ATP9A: variants seen among roughly 807,000 people sequenced by gnomAD.
ATP9A encodes the protein ATPase phospholipid transporting 9A.
A neutral mutation model predicts 144.1 loss-of-function variants in ATP9A; 52 were observed. The observed-to-expected ratio is 0.36, with a 90% CI of 0.29 to 0.45. The LOEUF (loss-of-function observed/expected upper bound fraction) is 0.45, where lower values mean the gene tolerates loss of function less well. ATP9A is among the 20% of genes least tolerant of loss of function. ATP9A has a pLI of 1.00. For synonymous variants in ATP9A, 582 were observed against 557.4 expected (o/e 1.04, Z -0.62); for missense variants, 947 against 1,392.7 (o/e 0.68, Z 5.09).
Position 51,611,703 on chromosome 20 carries a change from T to A in ATP9A, c.2572-1538A>T, listed in dbSNP as rs1201087769. ...GCTCATCCCGGCCAGCTTTTGTGTA[T>A]GAGTCCAAGGACGGGCTGATTAATC... On this transcript the variant is annotated intron_variant, in intron 23 of 27. Transcript: ENST00000338821. The surrounding 1 kb of genome is among the most constrained non-coding windows in gnomAD (Gnocchi z 4.2). Among the ~76,000 whole-genome samples, 1 of 152,226 alleles carries A rather than the reference T, an allele frequency of 6.6e-6. No homozygotes were observed. Among genetic ancestry groups the A allele is most frequent in the Non-Finnish European group, 1.5e-5 (1 of 68,038 alleles).
chr20:51,639,486 T>C lies in ATP9A; in HGVS notation c.1525A>G (p.Thr509Ala). ...ACCAGGGTTAAGCCCACACTTTCCGTCCACTGTACCAGGGCCACCTAAACA... is the reference window on the plus strand; with the variant it reads ...ACCAGGGTTAAGCCCACACTTTCCGCCCACTGTACCAGGGCCACCTAAACA... ...SPDEVALVQW[T>A]ESVGLTLVGR... The change falls in exon 15 of 28, where the codon ACG becomes GCG. Residue 509 changes from threonine to alanine, a missense_variant. By Grantham distance (58) the Thr-to-Ala change is moderately conservative (BLOSUM62 0). Around this residue, in one of 2 missense-constraint regions of ATP9A, gnomAD observed 770 missense variants for 1,047.9 expected, o/e 0.73. Transcript: ENST00000338821. 4 of 1,612,104 alleles carry C rather than the reference T, an allele frequency of 2.5e-6. No individual in the cohort carries two copies. The highest frequency in any genetic ancestry group is 3.4e-6 in the Non-Finnish European group (4 of 1,179,240).
chr20:51,736,745 AGTT>A (rs1198420094), intron 1 of ATP9A, among the ~76,000 whole-genome samples: 1 of 152,094 alleles, frequency 6.6e-6, no homozygotes, highest in African/African-American at 2.4e-5. Context: ...AAGGTATATG[AGTT>A]ATGTCTCAAT....
intron 9 of ATP9A, among the ~76,000 whole-genome samples, chr20:51,682,064 A>C (rs2077502167): frequency 6.6e-6 from 1 of 152,026 alleles, no homozygotes; most frequent in Admixed American, 6.6e-5. Context: ...AGTCACACAA[A>C]TGTGTTACCT....
chr20:51,691,606 G>C (rs2077548819), intron 7 of ATP9A, among the ~76,000 whole-genome samples: 1 of 152,168 alleles, frequency 6.6e-6, no homozygotes, highest in Non-Finnish European at 1.5e-5. Flanking sequence ...ACAAAAACAA[G>C]TGTGAAGATG....
At chr20:51,665,915 T>A (rs1344712977) in intron 13 of ATP9A, among the ~76,000 whole-genome samples, 1 of 152,148 alleles carries the variant, frequency 6.6e-6, no homozygotes, top group Non-Finnish European at 1.5e-5. Flanking sequence ...TGAGTCCAGT[T>A]TAGTTCAACC....
chr20:51,744,177 T>C (rs2077797632), intron 1 of ATP9A, among the ~76,000 whole-genome samples: 1 of 152,160 alleles, frequency 6.6e-6, no homozygotes, highest in African/African-American at 2.4e-5. Context: ...TTTGTTTGTT[T>C]GTTTTTGAGA....
intron 8 of ATP9A, among the ~76,000 whole-genome samples, chr20:51,689,444 G>C (rs1424453967): frequency 1.3e-5 from 2 of 152,126 alleles, no homozygotes; most frequent in East Asian, 1.9e-4. Flanking sequence ...AAACCAATCA[G>C]GCTGTTTGCA....
chr20:51,744,901 G>A (rs1007656629), intron 1 of ATP9A, among the ~76,000 whole-genome samples: 11 of 152,252 alleles, frequency 7.2e-5, no homozygotes, highest in East Asian at 1.9e-4. Flanking sequence ...AGGCCGAGGC[G>A]GGAGAATCAC....
intron 1 of ATP9A, among the ~76,000 whole-genome samples, chr20:51,737,293 T>C (rs1279539303): frequency 6.6e-6 from 1 of 152,228 alleles, no homozygotes; most frequent in East Asian, 1.9e-4. Flanking sequence ...GTTCGGTCCA[T>C]GCAGGAGCTC....
Position 51,698,198 on chromosome 20 carries a change from A to T in ATP9A, c.437-716T>A, listed in dbSNP as rs541465730. Among the ~76,000 whole-genome samples the T allele has an allele frequency of 2.0e-5, 3 of 152,340 alleles. No individual in the cohort carries two copies. The East Asian group carries it at 5.8e-4, about 29-fold the overall frequency. On this transcript the variant is annotated intron_variant, in intron 4 of 27. Transcript: ENST00000338821. ...ACACCTGCATCTGACTCCACAGTACAGAATAAAAGCAGTGAGTTCCATTCA... is the reference window on the plus strand; with the variant it reads ...ACACCTGCATCTGACTCCACAGTACTGAATAAAAGCAGTGAGTTCCATTCA...
At chr20:51,750,319 C>T (rs188619592) in intron 1 of ATP9A, among the ~76,000 whole-genome samples, 24 of 152,224 alleles carry the variant, frequency 1.6e-4, no homozygotes, top group African/African-American at 4.8e-5. Context: ...CGTCACTAAG[C>T]GTGGGCTGAT....
chr20:51,673,175 A>C (rs1234102650), intron 11 of ATP9A, among the ~76,000 whole-genome samples: 1 of 152,086 alleles, frequency 6.6e-6, no homozygotes, highest in Non-Finnish European at 1.5e-5. Context: ...GGAGTTCCAG[A>C]CCAGCCTGGC....
At chr20:51,617,626 A>T in intron 21 of ATP9A, 72 bp from the exon 22 acceptor site, 8 of 1,534,814 alleles carry the variant, frequency 5.2e-6, no homozygotes, top group Non-Finnish European at 7.1e-6. Flanking sequence ...GCTTGTCTTT[A>T]CCGCACTCTC....
chr20:51,700,534 CAG>C (rs898714677), intron 4 of ATP9A, among the ~76,000 whole-genome samples: 10 of 152,028 alleles, frequency 6.6e-5, no homozygotes, highest in African/African-American at 2.4e-4. Context: ...AAAAGAGAGA[CAG>C]AGAAAGAGAG....
At chr20:51,644,237 G>A (rs1407723769) in intron 14 of ATP9A, among the ~76,000 whole-genome samples, 1 of 150,466 alleles carries the variant, frequency 6.6e-6, no homozygotes, top group East Asian at 1.9e-4. Flanking sequence ...GATACACATG[G>A]AGAGAATTAC....
At chr20:51,725,515 T>C (rs537297020) in intron 3 of ATP9A, among the ~76,000 whole-genome samples, 2 of 152,346 alleles carry the variant, frequency 1.3e-5, no homozygotes, top group South Asian at 4.1e-4. Context: ...TTTACCTCTG[T>C]GTTCCCAGAG....
chr20:51,712,104 G>A (rs181875999), intron 4 of ATP9A, among the ~76,000 whole-genome samples: 154 of 125,462 alleles, frequency 1.2e-3, no homozygotes, highest in African/African-American at 4.5e-3. Context: ...ATGGAGTCTC[G>A]CTCTGTCGCC....
intron 9 of ATP9A, among the ~76,000 whole-genome samples, chr20:51,683,789 C>G (rs2077510594): frequency 6.6e-6 from 1 of 152,192 alleles, no homozygotes; most frequent in Non-Finnish European, 1.5e-5. Flanking sequence ...GCCTAAGAGT[C>G]TGGAGCCTGG....
At chr20:51,746,568 G>A (rs6013265) in intron 1 of ATP9A, among the ~76,000 whole-genome samples, 78,333 of 151,996 alleles carry the variant, frequency 0.52, 20,563 homozygotes, top group East Asian at 0.72. Context: ...GGCTGGGCAC[G>A]GTGGCTCACG....
Sources: gnomAD v4.1 joint callset for allele counts (sites outside exome capture counted in the v4.1 genomes callset) on GRCh38, gnomAD v4.1.1 for gene constraint, gnomAD v4.1.1 regional missense constraint, Gnocchi (gnomAD v3.1) non-coding constraint, MANE v1.5 for transcripts, NCBI Gene and HGNC (gene_info 2026-07-23, HGNC 2026-07-21) for gene names.